UMAD1: variants seen among roughly 807,000 people sequenced by gnomAD.
UMAD1 encodes UBAP1-MVB12-associated (UMA) domain containing 1.
A neutral mutation model predicts 6.1 loss-of-function variants in UMAD1; 8 were observed. That is an observed-to-expected ratio of 1.30 (90% CI 0.76 to 2.35). The LOEUF is 2.35. UMAD1 is among the 30% of genes most tolerant of loss of function. UMAD1 has a pLI of 0.00. For missense variants in UMAD1, 130 were observed against 78.4 expected (o/e 1.66, Z -2.49); for synonymous variants, 56 against 31.4 (o/e 1.78, Z -2.61).
chr7:7,786,607 A>G (rs1012823000), intron 2 of UMAD1, among the ~76,000 whole-genome samples: 3 of 152,150 alleles, frequency 2.0e-5, no homozygotes, highest in Non-Finnish European at 4.4e-5. Flanking sequence ...TATTTTTTAC[A>G]TAATAACTGT....
At chr7:7,838,447 A>T (rs1478263549) in intron 3 of UMAD1, among the ~76,000 whole-genome samples, 1 of 152,238 alleles carries the variant, frequency 6.6e-6, no homozygotes, top group East Asian at 1.9e-4. Context: ...ATACAGGACC[A>T]TAGAGCAAAT....
chr7:7,686,439 A>G (rs561121934), intron 2 of UMAD1, among the ~76,000 whole-genome samples: 1 of 152,294 alleles, frequency 6.6e-6, no homozygotes, highest in South Asian at 2.1e-4. Context: ...TCAGAAATTT[A>G]TTGACAATTT....
chr7:7,875,938 C>G (rs560997257), intron 3 of UMAD1, among the ~76,000 whole-genome samples: 1 of 152,236 alleles, frequency 6.6e-6, no homozygotes, highest in African/African-American at 2.4e-5. Flanking sequence ...ATTAGCCAAG[C>G]ATGGTGGCAT....
intron 1 of UMAD1, among the ~76,000 whole-genome samples, chr7:7,663,729 AT>A (rs1785533938): frequency 6.6e-6 from 1 of 152,220 alleles, no homozygotes; most frequent in African/African-American, 2.4e-5. Context: ...GGAATGTAAA[AT>A]TTATAAATGG....
At chr7:7,716,662 C>G (rs1017884893) in intron 2 of UMAD1, among the ~76,000 whole-genome samples, 2 of 152,098 alleles carry the variant, frequency 1.3e-5, no homozygotes, top group Non-Finnish European at 2.9e-5. Context: ...TGGAGGCCGG[C>G]GCGGCCGGCG....
At chr7:7,732,312 A>C (rs962008193) in intron 2 of UMAD1, among the ~76,000 whole-genome samples, 2 of 152,098 alleles carry the variant, frequency 1.3e-5, no homozygotes, top group Non-Finnish European at 1.5e-5. Context: ...AATTCTGTGA[A>C]GTGAAAGAAG....
chr7:7,750,489 A>G (rs897018496), intron 2 of UMAD1, among the ~76,000 whole-genome samples: 1 of 152,200 alleles, frequency 6.6e-6, no homozygotes, highest in African/African-American at 2.4e-5. Context: ...CTCCACTCCA[A>G]TTAGAATAAC....
At position 7,745,034 on chromosome 7, in the gene UMAD1, G is replaced by A. The variant is rs74636324; in HGVS notation, c.83-56636G>A. Among the ~76,000 whole-genome samples, 1,222 of 152,244 alleles carry A rather than the reference G, an allele frequency of 8.0e-3. 24 individuals are homozygous for A. The highest frequency in any genetic ancestry group is 0.028 in the African/African-American group (1,160 of 41,536). ...TACTGATAACGTAAACAGTCTATTA[G>A]CACATACTTTATATATGTTTTATAT... On this transcript the variant is annotated intron_variant, in intron 2 of 3. Transcript: ENST00000682710.
chr7:7,689,705 C>T (rs986295876), intron 2 of UMAD1, among the ~76,000 whole-genome samples: 1 of 152,036 alleles, frequency 6.6e-6, no homozygotes, highest in African/African-American at 2.4e-5. Context: ...TTATGTCTTT[C>T]TAAACTCAAA....
intron 3 of UMAD1, among the ~76,000 whole-genome samples, chr7:7,850,950 TG>T (rs1783903892): frequency 6.6e-6 from 1 of 152,092 alleles, no homozygotes; most frequent in Non-Finnish European, 1.5e-5. Context: ...CAAAAATATT[TG>T]GGGAAAAAAT....
intron 3 of UMAD1, among the ~76,000 whole-genome samples, chr7:7,849,473 G>A (rs1583871322): frequency 6.6e-6 from 1 of 152,110 alleles, no homozygotes; most frequent in East Asian, 1.9e-4. Context: ...TAAGGAGTGT[G>A]GCCAAGAGCA....
At chr7:7,779,600 G>A (rs964775611) in intron 2 of UMAD1, among the ~76,000 whole-genome samples, 9 of 151,952 alleles carry the variant, frequency 5.9e-5, no homozygotes, top group African/African-American at 1.9e-4. Context: ...GCCCAGCCCC[G>A]TTTTTTTCCT....
chr7:7,818,762 C>G (rs938114568), intron 3 of UMAD1, among the ~76,000 whole-genome samples: 16 of 152,178 alleles, frequency 1.1e-4, no homozygotes, highest in Non-Finnish European at 2.1e-4. Context: ...GAATCAACCT[C>G]CATGCCCATC....
At chr7:7,742,870 C>T (rs1401905100) in intron 2 of UMAD1, among the ~76,000 whole-genome samples, 2 of 152,142 alleles carry the variant, frequency 1.3e-5, no homozygotes. Flanking sequence ...TTGCTTTAAA[C>T]TAACCCCATC....
chr7:7,738,662 T>C (rs1781405876), intron 2 of UMAD1: 1 of 152,256 alleles, frequency 6.6e-6, no homozygotes, highest in Admixed American at 6.5e-5. Context: ...AGTGACATCA[T>C]ATGTAGGCAT....
At chr7:7,705,900 A>G (rs903818567) in intron 2 of UMAD1, among the ~76,000 whole-genome samples, 5 of 152,130 alleles carry the variant, frequency 3.3e-5, no homozygotes, top group African/African-American at 4.8e-5. Flanking sequence ...GGCAGGAGTT[A>G]TATGGGAATT....
chr7:7,719,652 T>C (rs1781005059), intron 2 of UMAD1, among the ~76,000 whole-genome samples: 1 of 151,918 alleles, frequency 6.6e-6, no homozygotes, highest in East Asian at 1.9e-4. Context: ...GTTTTTTTTT[T>C]CACGTTAGTG....
intron 1 of UMAD1, among the ~76,000 whole-genome samples, chr7:7,642,469 ATTT>A (rs10595305): frequency 0.017 from 2,611 of 150,064 alleles, 74 homozygotes; most frequent in African/African-American, 0.061. Flanking sequence ...TGTAATAGTG[ATTT>A]TTTTTTTTTT....
chr7:7,846,210 C>T (rs1381138057), intron 3 of UMAD1, among the ~76,000 whole-genome samples: 4 of 152,016 alleles, frequency 2.6e-5, no homozygotes, highest in South Asian at 2.1e-4. Context: ...TTCAATGACA[C>T]GTGTAAAGAA....
Sources: allele counts gnomAD v4.1 joint callset (sites outside exome capture counted in the v4.1 genomes callset), GRCh38; gene constraint gnomAD v4.1.1; transcripts MANE v1.5; gene names NCBI Gene and HGNC (gene_info 2026-07-23, HGNC 2026-07-21).